Variants in WDFY4 observed in about 807,000 individuals in gnomAD.
The protein encoded by WDFY4 is WD repeat- and FYVE domain-containing protein 4.
In WDFY4, 169 loss-of-function variants were observed where a neutral mutation model predicts 351.9. The observed-to-expected ratio is 0.48, with a 90% CI of 0.42 to 0.55. The LOEUF is 0.55. WDFY4 is among the 20% of genes least tolerant of loss of function. The probability of loss-of-function intolerance (pLI) is 0.00; values close to 1 mark genes in which losing one functional copy is unlikely to be tolerated. For synonymous variants in WDFY4, 1,622 were observed against 1,574.6 expected, an observed-to-expected ratio of 1.03 and a Z score of -0.71; for missense variants, 3,803 against 3,935.6, an observed-to-expected ratio of 0.97 and a Z score of 0.90.
At chr10:48,931,789 A>G (rs1002724111) in intron 47 of WDFY4, among the ~76,000 whole-genome samples, 1 of 152,230 alleles carries the variant, frequency 6.6e-6, no homozygotes, top group Non-Finnish European at 1.5e-5. Context: ...ATCTGAAATC[A>G]TGACTGAAGC....
At chr10:48,768,099 G>A (rs913521863) in intron 13 of WDFY4, among the ~76,000 whole-genome samples, 3 of 152,168 alleles carry the variant, frequency 2.0e-5, no homozygotes, top group South Asian at 2.1e-4. Context: ...CTTAGAATGG[G>A]GACAACAAAT....
intron 47 of WDFY4, among the ~76,000 whole-genome samples, chr10:48,918,063 A>G (rs1215725417): frequency 6.6e-6 from 1 of 152,252 alleles, no homozygotes; most frequent in African/African-American, 2.4e-5. Flanking sequence ...TCCTCAGAGC[A>G]ATCACTAAGG....
intron 39 of WDFY4, among the ~76,000 whole-genome samples, chr10:48,842,946 A>C (rs914554457): frequency 1.3e-5 from 2 of 152,150 alleles, no homozygotes; most frequent in African/African-American, 4.8e-5. Flanking sequence ...GCAGCCTCCC[A>C]AAAAATGGGG....
chr10:48,764,896 G>T (rs2065620049), intron 13 of WDFY4, among the ~76,000 whole-genome samples: 1 of 152,210 alleles, frequency 6.6e-6, no homozygotes, highest in Non-Finnish European at 1.5e-5. Flanking sequence ...ACAAGGCCTT[G>T]GGACACAGGA....
intron 1 of WDFY4, among the ~76,000 whole-genome samples, chr10:48,693,636 C>T (rs896558993): frequency 7.9e-5 from 12 of 152,292 alleles, no homozygotes; most frequent in African/African-American, 2.9e-4. Flanking sequence ...CACTGGCAGA[C>T]ACCTCTTTAA....
At chr10:48,908,331 G>T (rs962124981) in intron 47 of WDFY4, among the ~76,000 whole-genome samples, 5 of 152,206 alleles carry the variant, frequency 3.3e-5, no homozygotes, top group Admixed American at 6.5e-5. Flanking sequence ...TGCCATCCTA[G>T]TTGCCCCCTG....
chr10:48,890,683 G>A lies in WDFY4; in HGVS notation c.7272G>A (p.Leu2424=). ...TCTACATCTGCGAGAACTTCACACT[G>A]TCTCCCACGGGTGATGTCTACTGTA... ...QHFYICENFT[L]SPTGDVYCTR... The change falls in exon 44 of 62, where the codon CTG becomes CTA. Residue 2424 remains leucine, a synonymous_variant. Transcript: ENST00000325239. 1 of 1,551,672 alleles carries A rather than the reference G, an allele frequency of 6.4e-7. No individual in the cohort carries two copies. Among genetic ancestry groups the A allele is most frequent in the Non-Finnish European group, 8.7e-7 (1 of 1,146,980 alleles).
chr10:48,841,616 C>T (rs2133122663), intron 39 of WDFY4, among the ~76,000 whole-genome samples: 1 of 152,278 alleles, frequency 6.6e-6, no homozygotes. Context: ...TCCAGCCATC[C>T]TTAGTTGTAA....
chr10:48,800,707 T>A lies in WDFY4; in HGVS notation c.4411-2579T>A, dbSNP rs1414240239. Among the ~76,000 whole-genome samples the A allele has an allele frequency of 8.5e-4, 118 of 139,454 alleles. 1 individual carries two copies. The highest frequency in any genetic ancestry group is 3.6e-3 in the East Asian group (16 of 4,406). The allele number at this position is 139,454 out of a possible 152,430, so 91.5% of individuals were successfully genotyped here. A position where few individuals can be genotyped will look rare whatever the true frequency, so the allele number is the denominator to read the frequency against. On this transcript the variant is annotated intron_variant, in intron 24 of 61. Coordinates refer to ENST00000325239, the MANE Select transcript of WDFY4 (RefSeq NM_001394531.1). Reference sequence around the variant, plus strand: ...CTTTCTTTCTTTCTTTCTTTCTTTCTTTCTTTCTTTCTTTCATTCTTTCTT... The same window carrying A: ...CTTTCTTTCTTTCTTTCTTTCTTTCATTCTTTCTTTCTTTCATTCTTTCTT...
At chr10:48,742,088 C>T (rs11101448) in intron 11 of WDFY4, among the ~76,000 whole-genome samples, 61,467 of 151,710 alleles carry the variant, frequency 0.41, 13,472 homozygotes, top group Admixed American at 0.5. Flanking sequence ...ATAGCATGTA[C>T]TGATTACCTA....
chr10:48,908,005 T>C (rs1837709486), intron 47 of WDFY4, among the ~76,000 whole-genome samples: 1 of 152,228 alleles, frequency 6.6e-6, no homozygotes, highest in African/African-American at 2.4e-5. Flanking sequence ...TTGTGGGCCA[T>C]GAGCATCTGA....
intron 53 of WDFY4, among the ~76,000 whole-genome samples, chr10:48,962,500 C>T (rs1841905136): frequency 1.3e-5 from 2 of 152,196 alleles, no homozygotes; most frequent in Admixed American, 1.3e-4. Flanking sequence ...CTCAGATAGA[C>T]TGTGATATCG....
In WDFY4 at chr10:48,966,509, G is replaced by C. The variant is rs1228001439; in HGVS notation, c.8437-17G>C. 1 of 1,550,704 alleles carries C rather than the reference G, an allele frequency of 6.4e-7. No homozygotes were observed. The highest frequency in any genetic ancestry group is 1.2e-5 in the South Asian group (1 of 83,872). Reference sequence around the variant, plus strand: ...GGCATCTCTCCCCTCATGTGTGTCTGTTCCCTGTCTCTCTAGCTCTTTACC... The same window carrying C: ...GGCATCTCTCCCCTCATGTGTGTCTCTTCCCTGTCTCTCTAGCTCTTTACC... On this transcript the variant is annotated splice_polypyrimidine_tract_variant and intron_variant, in intron 54 of 61. Transcript: ENST00000325239.
rs1340333982 is a variant in WDFY4 at position 48,796,395 on chromosome 10, G to T, written c.4355G>T (p.Arg1452Met). 2.6e-6 allele frequency: 4 copies of T among 1,552,166 alleles called. No homozygotes were observed. The highest frequency in any genetic ancestry group is 3.5e-6 in the Non-Finnish European group (4 of 1,147,120). The change falls in exon 24 of 62, where the codon AGG (arginine) becomes ATG (methionine). Residue 1452 changes from arginine (R) to methionine (M), a missense_variant. By Grantham distance (91) the Arg-to-Met change is moderately conservative. Around this residue, in one of 3 missense-constraint regions of WDFY4, gnomAD observed 3,054 missense variants for 3,148.6 expected, o/e 0.97. Transcript: ENST00000325239. The stretch of plus-strand genomic sequence containing the variant: ...GCTGGCACTGTGGAGCTGGGCTTCA[G>T]GTCATCTGCTATCACCAACACTGGT... ...SVAGTVELGF[R>M]SSAITNTGVF...
intron 1 of WDFY4, among the ~76,000 whole-genome samples, chr10:48,691,035 A>C (rs2063180354): frequency 1.3e-5 from 2 of 152,132 alleles, no homozygotes. Flanking sequence ...GTTCATGCCA[A>C]GGGATACCTG....
chr10:48,866,301 T>C (rs981364217), intron 39 of WDFY4, among the ~76,000 whole-genome samples: 3 of 152,212 alleles, frequency 2.0e-5, no homozygotes, highest in South Asian at 2.1e-4. Flanking sequence ...TTTTTATTCA[T>C]CTCAAAAAGT....
At position 48,790,655 on chromosome 10, in the gene WDFY4, G is replaced by C. The variant is rs1041592613; in HGVS notation, c.4067-72G>C. The C allele has an allele frequency of 5.3e-6, 8 of 1,498,184 alleles. No individual in the cohort carries two copies. The South Asian group carries it at 1.1e-4, about 20-fold the overall frequency. 92.8% of individuals were successfully genotyped at this position (1,498,184 alleles called of 1,614,324 possible). On this transcript the variant is annotated intron_variant, in intron 22 of 61. Transcript: ENST00000325239. ...GCACTGGTAGCTCATTGGTCCTCCT[G>C]TGCTGTCGGGGAATTTCCCATTGCA...
intron 39 of WDFY4, among the ~76,000 whole-genome samples, chr10:48,861,896 C>T (rs2069357758): frequency 6.6e-6 from 1 of 152,120 alleles, no homozygotes; most frequent in South Asian, 2.1e-4. Context: ...ATTCTACTTT[C>T]TCACTGTTGT....
intron 47 of WDFY4, among the ~76,000 whole-genome samples, chr10:48,929,237 A>G (rs1277852440): frequency 1.3e-5 from 2 of 151,738 alleles, no homozygotes; most frequent in East Asian, 1.9e-4. Flanking sequence ...GAGAAGGAGG[A>G]CAGAGGAAGA....
Sources: gnomAD v4.1 joint callset for allele counts (sites outside exome capture counted in the v4.1 genomes callset) on GRCh38, gnomAD v4.1.1 for gene constraint, gnomAD v4.1.1 regional missense constraint, MANE v1.5 for transcripts, NCBI Gene and HGNC (gene_info 2026-07-23, HGNC 2026-07-21) for gene names.